Variants in SMCO3 observed in about 807,000 individuals in gnomAD.
SMCO3 encodes single-pass membrane and coiled-coil domain-containing protein 3.
SMCO3 carries 6 observed loss-of-function variants against 12.0 expected under a neutral mutation model. The observed-to-expected ratio is 0.50, with a 90% CI of 0.27 to 0.99. The LOEUF is 0.99. Among genes scored for constraint, SMCO3 ranks in the 50% least tolerant of loss-of-function variants. The probability of loss-of-function intolerance (pLI) is 0.11; values close to 1 mark genes in which losing one functional copy is unlikely to be tolerated. For missense variants in SMCO3, 279 were observed against 265.0 expected, an observed-to-expected ratio of 1.05 and a Z score of -0.37; for synonymous variants, 96 against 96.4, an observed-to-expected ratio of 1.00 and a Z score of 0.02.
At chr12:14,813,719 A>T (rs367942286) in intron 1 of SMCO3, among the ~76,000 whole-genome samples, 26 of 152,336 alleles carry the variant, frequency 1.7e-4, no homozygotes, top group African/African-American at 6.3e-4. Context: ...CCAGTATTAG[A>T]TTCCACATTC....
At chr12:14,809,936 CATT>C (rs1950110267) in intron 1 of SMCO3, among the ~76,000 whole-genome samples, 1 of 152,210 alleles carries the variant, frequency 6.6e-6, no homozygotes, top group African/African-American at 2.4e-5. Context: ...AAGTGTAAGA[CATT>C]GTACGTTTTC....
chr12:14,806,031 A>G lies in SMCO3; in HGVS notation c.650T>C (p.Ile217Thr). ...EKYNHAITEV[I>T]NTVKHQMK ...TTTCATTTGGTGTTTCACTGTATTGATGACCTCAGTAATGGCATGATTATA... is the reference window on the plus strand; with the variant it reads ...TTTCATTTGGTGTTTCACTGTATTGGTGACCTCAGTAATGGCATGATTATA... The change falls in exon 2 of 2, where the codon ATC becomes ACC. Residue 217 changes from isoleucine (I) to threonine (T), a missense_variant. By Grantham distance (89) the Ile-to-Thr change is moderately conservative. Transcript: ENST00000316048. The G allele has an allele frequency of 6.2e-7, 1 of 1,613,618 alleles. No homozygotes were observed. Among genetic ancestry groups the G allele is most frequent in the Non-Finnish European group, 8.5e-7 (1 of 1,179,738 alleles).
Position 14,806,664 on chromosome 12 carries a change from A to C in SMCO3, c.17T>G (p.Phe6Cys). MAQSD[F>C]LYPENPKRRE... is the part of the protein sequence containing the mutation. ...CCTTTTTGGGTTCTCTGGGTAAAGG[A>C]AGTCACTTTGGGCCATATTTCCAAT... The change falls in exon 2 of 2, where the codon TTC becomes TGC. Residue 6 changes from phenylalanine (F) to cysteine (C), a missense_variant. Coordinates refer to ENST00000316048, the MANE Select transcript of SMCO3 (RefSeq NM_001013698.2). 6.3e-7 allele frequency: 1 copy of C among 1,595,160 alleles called. No individual in the cohort carries two copies. Among genetic ancestry groups the C allele is most frequent in the East Asian group, 2.2e-5 (1 of 44,746 alleles).
chr12:14,806,502 C>T lies in SMCO3; in HGVS notation c.179G>A (p.Gly60Glu), dbSNP rs1950053515. The T allele has an allele frequency of 1.1e-5, 17 of 1,613,954 alleles. No individual in the cohort carries two copies. The highest frequency in any genetic ancestry group is 1.4e-5 in the Non-Finnish European group (16 of 1,180,004). ...GAGGTCACAGTTTTCTTTGATGGTC[C>T]CATCTCTTTTCATCTCAATGGAGGC... ...RLASIEMKRD[G>E]TIKENCDLII... Residue 60 changes from glycine to glutamate, a missense_variant, in exon 2 of 2, where the codon GGG becomes GAG. Physicochemically the swap from Gly to Glu is moderately conservative, Grantham distance 98 (BLOSUM62 -2). Coordinates refer to ENST00000316048, the MANE Select transcript of SMCO3 (RefSeq NM_001013698.2).
At position 14,808,560 on chromosome 12, in the gene SMCO3, G is replaced by A. The variant is rs112898578; in HGVS notation, c.-16-1864C>T. 9.8e-5 allele frequency among the ~76,000 whole-genome samples: 15 copies of A among 152,286 alleles called. 1 individual carries two copies. The highest frequency in any genetic ancestry group is 3.6e-4 in the African/African-American group (15 of 41,566). On this transcript the variant is annotated intron_variant, in intron 1 of 1. Coordinates refer to ENST00000316048, the MANE Select transcript of SMCO3 (RefSeq NM_001013698.2). ...CCTCAGAAGTATGGAATGTAGGAAT[G>A]AAGATTTTTTTCTTTCAAGAAAGTA...
In SMCO3 at chr12:14,806,437, T is replaced by G; in HGVS notation, c.244A>C (p.Lys82Gln). 6.2e-7 allele frequency: 1 copy of G among 1,614,234 alleles called. No homozygotes were observed. Among genetic ancestry groups the G allele is most frequent in the Non-Finnish European group, 8.5e-7 (1 of 1,180,044 alleles). The change falls in exon 2 of 2, where the codon AAG becomes CAG. Residue 82 changes from lysine to glutamine, a missense_variant. By Grantham distance (53) the Lys-to-Gln change is moderately conservative (BLOSUM62 1). Transcript: ENST00000316048. ...AIMKIQKELQKVDEALKDKLE... is the reference protein window; with the variant it reads ...AIMKIQKELQQVDEALKDKLE... The stretch of plus-strand genomic sequence containing the variant: ...TTATCTTTTAGTGCTTCATCAACCT[T>G]CTGCAATTCCTTTTGGATTTTCATA...
At chr12:14,812,392 C>T (rs1469774416) in intron 1 of SMCO3, among the ~76,000 whole-genome samples, 3 of 151,812 alleles carry the variant, frequency 2.0e-5, no homozygotes, top group Non-Finnish European at 4.4e-5. Context: ...TGCAGTGAGC[C>T]GAGATTGTGC....
chr12:14,807,294 G>A (rs1950067432), intron 1 of SMCO3, among the ~76,000 whole-genome samples: 1 of 152,154 alleles, frequency 6.6e-6, no homozygotes, highest in South Asian at 2.1e-4. Context: ...TAATAAGCGT[G>A]ATTATTTCTA....
At chr12:14,810,802 G>A (rs1950124386) in intron 1 of SMCO3, among the ~76,000 whole-genome samples, 1 of 152,136 alleles carries the variant, frequency 6.6e-6, no homozygotes, top group African/African-American at 2.4e-5. Context: ...GCAGTGTGCA[G>A]TATTTTCGCT....
At position 14,806,450 on chromosome 12, in the gene SMCO3, T is replaced by C; in HGVS notation, c.231A>G (p.Gln77=). Residue 77 remains glutamine, a synonymous_variant, in exon 2 of 2, where the codon CAA becomes CAG. Transcript: ENST00000316048. ...CTTCATCAACCTTCTGCAATTCCTTTTGGATTTTCATAATGGCTTGGATGA... is the reference window on the plus strand; with the variant it reads ...CTTCATCAACCTTCTGCAATTCCTTCTGGATTTTCATAATGGCTTGGATGA... ...DLIIQAIMKI[Q]KELQKVDEAL... is the part of the protein sequence containing the mutation. The C allele has an allele frequency of 6.2e-7, 1 of 1,614,206 alleles. No homozygotes were observed. Among genetic ancestry groups the C allele is most frequent in the Non-Finnish European group, 8.5e-7 (1 of 1,180,048 alleles).
chr12:14,808,677 A>C (rs368004592), intron 1 of SMCO3, among the ~76,000 whole-genome samples: 4 of 152,356 alleles, frequency 2.6e-5, no homozygotes, highest in African/African-American at 9.6e-5. Flanking sequence ...GAACATAAAT[A>C]ACCATGTATG....
chr12:14,809,869 G>A (rs1434850255), intron 1 of SMCO3, among the ~76,000 whole-genome samples: 1 of 152,150 alleles, frequency 6.6e-6, no homozygotes, highest in East Asian at 1.9e-4. Context: ...CCTGAACAGA[G>A]TACAAAAAAT....
rs555649645 is a variant in SMCO3, at chr12:14,805,914, G to T, written c.*89C>A. ...TATCTTATTTAAGTCCATATTGGAA[G>T]CCTATAGAAAATGAACCTAATCAAA... is the stretch of plus-strand genomic sequence containing the variant. On this transcript the variant is annotated 3_prime_UTR_variant, in exon 2 of 2. Transcript: ENST00000316048. The T allele has an allele frequency of 4.3e-5, 54 of 1,267,472 alleles. No individual in the cohort carries two copies. In the African/African-American group the frequency reaches 6.9e-4, roughly 16 times the overall value. 78.5% of individuals were successfully genotyped at this position (1,267,472 alleles called of 1,614,324 possible).
chr12:14,810,413 A>G (rs1950118456), intron 1 of SMCO3, among the ~76,000 whole-genome samples: 2 of 152,238 alleles, frequency 1.3e-5, no homozygotes, highest in South Asian at 4.1e-4. Flanking sequence ...TGATTCATTA[A>G]CAATTCATCT....
In SMCO3 at chr12:14,806,225, T is replaced by G; in HGVS notation, c.456A>C (p.Leu152Phe). Reference sequence around the variant, plus strand: ...CAAGGAGAGAAGCACCAATTTGAGCTAACACAGTGACCAACTTGTTAATTA... The same window carrying G: ...CAAGGAGAGAAGCACCAATTTGAGCGAACACAGTGACCAACTTGTTAATTA... ...TGIINKLVTV[L>F]AQIGASLLGS... Residue 152 changes from leucine to phenylalanine, a missense_variant, in exon 2 of 2, where the codon TTA (leucine) becomes TTC (phenylalanine). Leu to Phe is a conservative substitution (Grantham distance 22, BLOSUM62 0). Coordinates refer to ENST00000316048, the MANE Select transcript of SMCO3 (RefSeq NM_001013698.2). 6.2e-7 allele frequency: 1 copy of G among 1,614,210 alleles called. No homozygotes were observed. Among genetic ancestry groups the G allele is most frequent in the Non-Finnish European group, 8.5e-7 (1 of 1,180,034 alleles).
intron 1 of SMCO3, among the ~76,000 whole-genome samples, chr12:14,812,927 A>T (rs147622093): frequency 1.6e-3 from 249 of 152,266 alleles, no homozygotes; most frequent in Admixed American, 2.8e-3. Context: ...ATTTGGGAAG[A>T]GTAAGGTTAA....
chr12:14,810,191 G>T (rs1465303019), intron 1 of SMCO3, among the ~76,000 whole-genome samples: 1 of 152,054 alleles, frequency 6.6e-6, no homozygotes, highest in Non-Finnish European at 1.5e-5. Context: ...GGGTTTTCTT[G>T]TGCTAACATA....
rs1414557671 is a variant in SMCO3 at position 14,806,106 on chromosome 12, A to T, written c.575T>A (p.Ile192Asn). The T allele has an allele frequency of 6.2e-7, 1 of 1,614,118 alleles. No homozygotes were observed. The highest frequency in any genetic ancestry group is 8.5e-7 in the Non-Finnish European group (1 of 1,180,032). The change falls in exon 2 of 2, where the codon ATC (isoleucine) becomes AAC (asparagine). Residue 192 changes from isoleucine (I) to asparagine (N), a missense_variant. Coordinates refer to ENST00000316048, the MANE Select transcript of SMCO3 (RefSeq NM_001013698.2). ...CACCAGATGCTTCTCATAACTTTTG[A>T]TGGCTGCTTGAAGCTGTGTTTTTTC... ...AVEKTQLQAAIKSYEKHLVEF... is the reference protein window; with the variant it reads ...AVEKTQLQAANKSYEKHLVEF...
Position 14,806,399 on chromosome 12 carries a change from G to A in SMCO3, c.282C>T (p.Thr94=). Residue 94 remains threonine, a synonymous_variant, in exon 2 of 2, where the codon ACC becomes ACT. Coordinates refer to ENST00000316048, the MANE Select transcript of SMCO3 (RefSeq NM_001013698.2). The part of the protein sequence containing the change: ...DEALKDKLEP[T]LYRKLQDIKE... ...TAATATCCTGAAGTTTTCTATAGAG[G>A]GTTGGCTCTAGCTTATCTTTTAGTG... is the stretch of plus-strand genomic sequence containing the variant. The A allele has an allele frequency of 6.2e-7, 1 of 1,614,110 alleles. No individual in the cohort carries two copies. The highest frequency in any genetic ancestry group is 8.5e-7 in the Non-Finnish European group (1 of 1,180,034).
Sources: allele counts gnomAD v4.1 joint callset (sites outside exome capture counted in the v4.1 genomes callset), GRCh38; gene constraint gnomAD v4.1.1; transcripts MANE v1.5; gene names NCBI Gene and HGNC (gene_info 2026-07-23, HGNC 2026-07-21).